CSMD1: variants seen among roughly 807,000 people sequenced by gnomAD.
CSMD1 encodes CUB and Sushi multiple domains 1.
A neutral mutation model predicts 417.5 loss-of-function variants in CSMD1; 213 were observed. The ratio of observed to expected loss-of-function variants is 0.51; its 90% confidence interval spans 0.46 to 0.57. The LOEUF is 0.57. Among genes scored for constraint, CSMD1 ranks in the 20% least tolerant of loss-of-function variants. The pLI is 0.00. For missense variants in CSMD1, 6,923 were observed against 4,529.7 expected (o/e 1.53, Z -15.17); for synonymous variants, 2,862 against 1,736.8 (o/e 1.65, Z -16.11).
At chr8:3,342,835 T>C (rs929866027) in intron 23 of CSMD1, among the ~76,000 whole-genome samples, 2 of 148,572 alleles carry the variant, frequency 1.3e-5, no homozygotes, top group African/African-American at 2.4e-5. Context: ...CTACATATTA[T>C]GTAGTTGTTG....
intron 3 of CSMD1, among the ~76,000 whole-genome samples, chr8:4,109,457 A>G (rs1801738809): frequency 6.6e-6 from 1 of 152,158 alleles, no homozygotes; most frequent in South Asian, 2.1e-4. Context: ...GTACCACACC[A>G]CTAAATATGT....
intron 5 of CSMD1, among the ~76,000 whole-genome samples, chr8:3,879,723 A>G (rs1000883992): frequency 1.4e-5 from 2 of 145,862 alleles, no homozygotes; most frequent in Admixed American, 6.8e-5. Flanking sequence ...CCTAACCTAC[A>G]TAGAAAAAGT....
intron 6 of CSMD1, among the ~76,000 whole-genome samples, chr8:3,751,960 G>A (rs983146805): frequency 6.6e-6 from 1 of 152,112 alleles, no homozygotes; most frequent in South Asian, 2.1e-4. Flanking sequence ...ATTGACTTAT[G>A]GTTATGTTAA....
At chr8:3,325,709 A>G (rs747183603) in intron 23 of CSMD1, among the ~76,000 whole-genome samples, 6 of 152,166 alleles carry the variant, frequency 3.9e-5, no homozygotes, top group Admixed American at 1.3e-4. Flanking sequence ...CTATAATCCC[A>G]GCTACTCGGG....
At chr8:4,227,589 C>A (rs1334336049) in intron 3 of CSMD1, among the ~76,000 whole-genome samples, 1 of 152,028 alleles carries the variant, frequency 6.6e-6, no homozygotes, top group Non-Finnish European at 1.5e-5. Flanking sequence ...CCCACAGCCC[C>A]CGACCTCAGG....
intron 38 of CSMD1, among the ~76,000 whole-genome samples, chr8:3,161,757 G>A (rs1018638141): frequency 2.6e-5 from 4 of 152,140 alleles, no homozygotes; most frequent in South Asian, 2.1e-4. Context: ...CCCAAAGAGG[G>A]CATTAATGAT....
At chr8:3,985,784 C>G (rs896825562) in intron 5 of CSMD1, among the ~76,000 whole-genome samples, 1 of 147,454 alleles carries the variant, frequency 6.8e-6, no homozygotes, top group Non-Finnish European at 1.5e-5. Context: ...GAGATGGAGT[C>G]TCACCCTGTC....
At chr8:4,607,899 T>G (rs1361625393) in intron 2 of CSMD1, among the ~76,000 whole-genome samples, 1 of 152,188 alleles carries the variant, frequency 6.6e-6, no homozygotes, top group Non-Finnish European at 1.5e-5. Context: ...CTTACTGTGG[T>G]GTCAAGAGCT....
intron 7 of CSMD1, among the ~76,000 whole-genome samples, chr8:3,627,540 C>A (rs538979646): frequency 6.6e-6 from 1 of 152,208 alleles, no homozygotes; most frequent in African/African-American, 2.4e-5. Flanking sequence ...TGTTCCTCAT[C>A]ATAGTACATT....
Position 4,195,705 on chromosome 8 carries a change from T to C in CSMD1, c.416-163606A>G, listed in dbSNP as rs182220001. ...TTGAAGAATTCCACGCAGGGAGAAA[T>C]TGTGGAAATGGCCCCCAGACAGCAA... On this transcript the variant is annotated intron_variant, in intron 3 of 69. Coordinates refer to ENST00000635120, the MANE Select transcript of CSMD1 (RefSeq NM_033225.6). Among the ~76,000 whole-genome samples the C allele has an allele frequency of 1.6e-3, 236 of 152,018 alleles. 1 individual carries two copies. The highest frequency in any genetic ancestry group is 5.0e-3 in the African/African-American group (208 of 41,488).
Position 3,809,092 on chromosome 8 carries a change from C to T in CSMD1, c.819-55050G>A, listed in dbSNP as rs139846580. Among the ~76,000 whole-genome samples, 413 of 152,282 alleles carry T rather than the reference C, an allele frequency of 2.7e-3. 2 individuals carry two copies. The highest frequency in any genetic ancestry group is 9.2e-3 in the African/African-American group (383 of 41,568). ...ATCACGCAGCTTCTATCATATATGA[C>T]AACCTGCCACCGGGCACATGCTCTG... On this transcript the variant is annotated intron_variant, in intron 5 of 69. Transcript: ENST00000635120.
At chr8:4,051,887 C>CCTACTTT (rs57805638) in intron 3 of CSMD1, among the ~76,000 whole-genome samples, 3 of 133,840 alleles carry the variant, frequency 2.2e-5, no homozygotes, top group Non-Finnish European at 4.7e-5. Context: ...TTTCTTCCTT[C>CCTACTTT]CTTCCTTCCT....
chr8:4,035,146 T>A (rs115748968), intron 3 of CSMD1, among the ~76,000 whole-genome samples: 1 of 151,706 alleles, frequency 6.6e-6, no homozygotes, highest in Non-Finnish European at 1.5e-5. Flanking sequence ...ATATACAACA[T>A]CGGTCCCAGG....
chr8:3,710,544 G>C (rs1422098566), intron 6 of CSMD1, among the ~76,000 whole-genome samples: 1 of 152,030 alleles, frequency 6.6e-6, no homozygotes, highest in Non-Finnish European at 1.5e-5. Context: ...TTGCCCTTTG[G>C]GACTGTCTTC....
At chr8:4,309,399 G>T (rs1203282992) in intron 3 of CSMD1, among the ~76,000 whole-genome samples, 1 of 151,930 alleles carries the variant, frequency 6.6e-6, no homozygotes, top group Non-Finnish European at 1.5e-5. Context: ...ACCCTCAAAA[G>T]CTTTGGAAAT....
intron 9 of CSMD1, among the ~76,000 whole-genome samples, chr8:3,577,751 T>G: frequency 6.6e-6 from 1 of 152,240 alleles, no homozygotes; most frequent in East Asian, 1.9e-4. Context: ...TTTCTAAATC[T>G]TCTCCAACCT....
chr8:2,966,870 A>T (rs1424701273), intron 57 of CSMD1, 124 bp from the exon 58 acceptor site: 1 of 804,258 alleles, frequency 1.2e-6, no homozygotes, highest in Non-Finnish European at 2.0e-6. Context: ...AAAGCACACA[A>T]TCCTATGGAA....
chr8:4,434,870 A>C (rs1378034095), intron 2 of CSMD1, among the ~76,000 whole-genome samples: 1 of 152,150 alleles, frequency 6.6e-6, no homozygotes, highest in African/African-American at 2.4e-5. Flanking sequence ...AACAAACTAC[A>C]TCTTTTTCCT....
At chr8:4,270,489 C>G (rs1477227404) in intron 3 of CSMD1, among the ~76,000 whole-genome samples, 1 of 152,124 alleles carries the variant, frequency 6.6e-6, no homozygotes. Flanking sequence ...CCCCATGTGG[C>G]ATATCTCCAG....
Sources: allele counts gnomAD v4.1 joint callset (sites outside exome capture counted in the v4.1 genomes callset), GRCh38; gene constraint gnomAD v4.1.1; transcripts MANE v1.5; gene names NCBI Gene and HGNC (gene_info 2026-07-23, HGNC 2026-07-21).